Variants in CCDC92B observed in about 807,000 individuals in gnomAD.
CCDC92B encodes the protein coiled-coil domain-containing 92B.
CCDC92B carries 2 observed loss-of-function variants against 5.6 expected under a neutral mutation model. The observed-to-expected ratio is 0.36, with a 90% CI of 0.15 to 1.12. The LOEUF (loss-of-function observed/expected upper bound fraction) is 1.12. CCDC92B is among the 50% of genes most tolerant of loss of function. CCDC92B has a pLI of 0.40. For synonymous variants in CCDC92B, 115 were observed against 122.3 expected (o/e 0.94, Z 0.39); for missense variants, 271 against 262.2 (o/e 1.03, Z -0.23).
Position 2,735,106 on chromosome 17 carries a change from G to T in CCDC92B, c.40C>A (p.Gln14Lys). The part of the protein sequence containing the change: ...VSLEHQIQSV[Q>K]RHISFLKKEQ... ...TTTTTCAGGAAGCTGATGTGGCGTT[G>T]CACGCTCTGGATCTGATGCTCCAGG... is the stretch of plus-strand genomic sequence containing the variant. The change falls in exon 2 of 4, where the codon CAA becomes AAA. Residue 14 changes from glutamine to lysine, a missense_variant. Gln to Lys is a moderately conservative substitution (Grantham distance 53). Transcript: ENST00000614400. 3 of 985,602 alleles carry T rather than the reference G, an allele frequency of 3.0e-6. No individual in the cohort carries two copies. In the South Asian group the frequency reaches 1.4e-4, roughly 46 times the overall value. The allele number at this position is 985,602 out of a possible 1,614,324, so 61.1% of individuals were successfully genotyped here.
At chr17:2,728,574 GC>G (rs2070761722) in intron 3 of CCDC92B, among the ~76,000 whole-genome samples, 2 of 150,892 alleles carry the variant, frequency 1.3e-5, no homozygotes, top group Non-Finnish European at 1.5e-5. Flanking sequence ...CTGCACTCCA[GC>G]CTGGGCGACA....
chr17:2,736,675 C>G (rs1473104948), intron 1 of CCDC92B, among the ~76,000 whole-genome samples: 1 of 151,566 alleles, frequency 6.6e-6, no homozygotes, highest in African/African-American at 2.4e-5. Context: ...GAGGTCAGTT[C>G]GAGACCAGCC....
intron 1 of CCDC92B, among the ~76,000 whole-genome samples, chr17:2,743,672 T>A (rs771154839): frequency 1.3e-5 from 2 of 152,136 alleles, no homozygotes; most frequent in Admixed American, 6.6e-5. Flanking sequence ...CTGTCCCCTC[T>A]GCCAGGAATG....
intron 1 of CCDC92B, among the ~76,000 whole-genome samples, chr17:2,739,714 A>G (rs1262501698): frequency 6.6e-6 from 1 of 152,066 alleles, no homozygotes; most frequent in Non-Finnish European, 1.5e-5. Flanking sequence ...TAGGTGATAG[A>G]TAGATAGATA....
At position 2,728,378 on chromosome 17, in the gene CCDC92B, T is replaced by C. The variant is rs938028270; in HGVS notation, c.178+2068A>G. The stretch of plus-strand genomic sequence containing the variant: ...ATCCCAGCACTTTGGGAGGCCGAGG[T>C]GGGTGGATCACGAGGTCAGGAGATC... On this transcript the variant is annotated intron_variant, in intron 3 of 3. Transcript: ENST00000614400. 2.7e-4 allele frequency among the ~76,000 whole-genome samples: 41 copies of C among 149,360 alleles called. No homozygotes were observed. In the East Asian group the frequency reaches 6.8e-3, roughly 25 times the overall value.
At chr17:2,729,081 A>T (rs936365242) in intron 3 of CCDC92B, among the ~76,000 whole-genome samples, 1 of 151,992 alleles carries the variant, frequency 6.6e-6, no homozygotes, top group African/African-American at 2.4e-5. Context: ...TATTTTGTCC[A>T]GGCTGGTCTT....
intron 1 of CCDC92B, among the ~76,000 whole-genome samples, chr17:2,736,884 A>AAATAAAT (rs1441445838): frequency 1.0e-4 from 2 of 19,760 alleles, no homozygotes; most frequent in African/African-American, 6.5e-4. Flanking sequence ...CTGTCTCAAA[A>AAATAAAT]AATAAATAAA....
chr17:2,731,908 G>C (rs187003056), intron 2 of CCDC92B, among the ~76,000 whole-genome samples: 3 of 152,240 alleles, frequency 2.0e-5, no homozygotes, highest in Non-Finnish European at 4.4e-5. Context: ...ACAGGACTTG[G>C]GGGTAGGGAG....
intron 3 of CCDC92B, among the ~76,000 whole-genome samples, chr17:2,727,784 A>G (rs1597234158): frequency 6.6e-6 from 1 of 151,176 alleles, no homozygotes; most frequent in Admixed American, 6.6e-5. Context: ...AGATCGCGCC[A>G]CTGCACTCCA....
intron 1 of CCDC92B, among the ~76,000 whole-genome samples, chr17:2,738,596 T>TA (rs1368667222): frequency 1.4e-5 from 2 of 147,322 alleles, no homozygotes; most frequent in African/African-American, 2.5e-5. Flanking sequence ...CCGTCTCTAC[T>TA]AAAAATATAA....
chr17:2,745,066 C>CAAAA (rs60179555), intron 1 of CCDC92B, among the ~76,000 whole-genome samples: 4 of 79,342 alleles, frequency 5.0e-5, no homozygotes, highest in Non-Finnish European at 7.0e-5. Context: ...GACCCTGTCT[C>CAAAA]AAAAAAAAAA....
intron 2 of CCDC92B, 25 bp from the exon 3 acceptor site, chr17:2,730,518 A>AGTTTGT: frequency 2.1e-5 from 13 of 634,138 alleles, no homozygotes; most frequent in Non-Finnish European, 2.3e-5. Context: ...AAGAAAAGGC[A>AGTTTGT]GTTTGTGTGT....
At chr17:2,725,115 G>A (rs779464572) in intron 3 of CCDC92B, 115 bp from the exon 4 acceptor site, 31 of 985,622 alleles carry the variant, frequency 3.1e-5, no homozygotes, top group Non-Finnish European at 3.7e-5. Context: ...CCTCATTTCT[G>A]CAATCCCAGC....
intron 1 of CCDC92B, among the ~76,000 whole-genome samples, chr17:2,746,015 C>T (rs1370206319): frequency 6.6e-6 from 1 of 151,800 alleles, no homozygotes; most frequent in African/African-American, 2.4e-5. Flanking sequence ...GAGTTTTGCT[C>T]TTGTTGCCCA....
intron 1 of CCDC92B, among the ~76,000 whole-genome samples, chr17:2,742,535 C>T (rs1472019417): frequency 6.6e-6 from 1 of 152,020 alleles, no homozygotes; most frequent in Admixed American, 6.6e-5. Flanking sequence ...TAAGATATCT[C>T]CAGTTTTCCA....
intron 2 of CCDC92B, among the ~76,000 whole-genome samples, chr17:2,734,232 G>A (rs569627366): frequency 4.5e-4 from 68 of 152,098 alleles, no homozygotes; most frequent in African/African-American, 1.4e-3. Context: ...CACATGTTAC[G>A]CAGCCTCCAG....
chr17:2,748,935 C>G (rs954746074), intron 1 of CCDC92B, among the ~76,000 whole-genome samples: 1 of 152,132 alleles, frequency 6.6e-6, no homozygotes. Flanking sequence ...CACTGAAGCG[C>G]TCAGGACCCT....
At chr17:2,745,090 A>AAAAAAAAAAAAAAAAT (rs72203225) in intron 1 of CCDC92B, among the ~76,000 whole-genome samples, 3 of 143,000 alleles carry the variant, frequency 2.1e-5, no homozygotes, top group African/African-American at 2.6e-5. Flanking sequence ...AAAAAAAAAA[A>AAAAAAAAAAAAAAAAT]GATAAAATAA....
At chr17:2,727,819 G>A (rs1482946063) in intron 3 of CCDC92B, among the ~76,000 whole-genome samples, 11 of 119,878 alleles carry the variant, frequency 9.2e-5, no homozygotes, top group East Asian at 2.1e-4. Flanking sequence ...GTGAGACTCC[G>A]TCTCAAAAAA....
Sources: gnomAD v4.1 joint callset for allele counts (sites outside exome capture counted in the v4.1 genomes callset) on GRCh38, gnomAD v4.1.1 for gene constraint, MANE v1.5 for transcripts, NCBI Gene and HGNC (gene_info 2026-07-23, HGNC 2026-07-21) for gene names.